The following DLGAP2 variants were observed in gnomAD, a reference collection of about 807,000 sequenced individuals.
DLGAP2 encodes DLG associated protein 2.
DLGAP2 carries 26 observed loss-of-function variants against 100.3 expected under a neutral mutation model. That is an observed-to-expected ratio of 0.26 (90% CI 0.19 to 0.36). The LOEUF (loss-of-function observed/expected upper bound fraction) is 0.36. Among genes scored for constraint, DLGAP2 ranks in the 10% least tolerant of loss-of-function variants. DLGAP2 has a pLI of 1.00. For missense variants in DLGAP2, 1,858 were observed against 1,453.2 expected, an observed-to-expected ratio of 1.28 and a Z score of -4.53; for synonymous variants, 886 against 630.1, an observed-to-expected ratio of 1.41 and a Z score of -6.08.
chr8:763,794 T>TA (rs1035714217), intron 1 of DLGAP2, among the ~76,000 whole-genome samples: 3 of 151,964 alleles, frequency 2.0e-5, no homozygotes, highest in East Asian at 1.9e-4. Flanking sequence ...TGGTAGAATT[T>TA]AAAAAAAATG....
chr8:1,700,410 C>G (rs1368300252), intron 14 of DLGAP2, among the ~76,000 whole-genome samples: 1 of 72,504 alleles, frequency 1.4e-5, no homozygotes, highest in Non-Finnish European at 2.5e-5. Flanking sequence ...TCTTTAGGAA[C>G]AATGTGAATC....
chr8:1,146,481 C>G (rs1796607035), intron 2 of DLGAP2, among the ~76,000 whole-genome samples: 1 of 152,178 alleles, frequency 6.6e-6, no homozygotes, highest in Admixed American at 6.5e-5. Context: ...CAATATTATC[C>G]TTTGTAGTTA....
chr8:1,378,489 T>A (rs1333270453), intron 3 of DLGAP2, among the ~76,000 whole-genome samples: 1 of 151,580 alleles, frequency 6.6e-6, no homozygotes, highest in African/African-American at 2.4e-5. Context: ...TGCACACACC[T>A]GGCCTCACCT....
chr8:1,439,644 C>A (rs542237150), intron 3 of DLGAP2, among the ~76,000 whole-genome samples: 3 of 152,240 alleles, frequency 2.0e-5, no homozygotes, highest in Admixed American at 2.0e-4. Flanking sequence ...ACGGAGTGCG[C>A]AGAGAGACAG....
At chr8:821,111 A>G (rs2132685908) in intron 1 of DLGAP2, among the ~76,000 whole-genome samples, 1 of 152,342 alleles carries the variant, frequency 6.6e-6, no homozygotes, top group African/African-American at 2.4e-5. Flanking sequence ...TGTGCTTGCT[A>G]CAATAAAAGT....
At chr8:1,402,327 T>C (rs565463890) in intron 3 of DLGAP2, among the ~76,000 whole-genome samples, 3 of 118 alleles carry the variant, frequency 0.025, no homozygotes, top group African/African-American at 0.11. Flanking sequence ...TACTGAGCGC[T>C]CCCTCCTCGT....
Position 1,186,689 on chromosome 8 carries a change from G to A in DLGAP2, c.74-72162G>A, listed in dbSNP as rs569162265. 4.6e-5 allele frequency among the ~76,000 whole-genome samples: 7 copies of A among 152,222 alleles called. No individual in the cohort carries two copies. The South Asian group carries it at 1.2e-3, about 27-fold the overall frequency. ...TTTTGTCATGGAGGTTGGGACTGGG[G>A]GGCCTTTCTGAGCTGATATTCTGTT... On this transcript the variant is annotated intron_variant, in intron 2 of 14. Transcript: ENST00000637795.
At chr8:859,878 T>C (rs1797357605) in intron 1 of DLGAP2, among the ~76,000 whole-genome samples, 1 of 152,182 alleles carries the variant, frequency 6.6e-6, no homozygotes, top group African/African-American at 2.4e-5. Flanking sequence ...GCTGGGTTTA[T>C]AAACGCACAC....
chr8:738,994 ACGC>A (rs142461927), intron 1 of DLGAP2: 11 of 155,576 alleles, frequency 7.1e-5, no homozygotes, highest in Admixed American at 1.3e-4. Flanking sequence ...CCCCTGCGCG[ACGC>A]CGCCGCCGCC....
chr8:1,328,213 T>A (rs1221831523), intron 3 of DLGAP2, among the ~76,000 whole-genome samples: 3 of 152,042 alleles, frequency 2.0e-5, no homozygotes, highest in East Asian at 1.9e-4. Context: ...CTAATTTTTT[T>A]ATTTTTTTAG....
intron 3 of DLGAP2, among the ~76,000 whole-genome samples, chr8:1,317,704 C>G (rs1393443212): frequency 5.2e-4 from 59 of 113,140 alleles, no homozygotes; most frequent in African/African-American, 8.2e-4. Flanking sequence ...GTGGTCTACA[C>G]TCGAGAAACT....
chr8:1,564,204 T>G (rs1027187706), intron 5 of DLGAP2, among the ~76,000 whole-genome samples: 3 of 152,116 alleles, frequency 2.0e-5, no homozygotes, highest in Middle Eastern at 3.2e-3. Context: ...GGGGAGCTGT[T>G]CAAAGCTAAT....
chr8:764,364 A>G (rs6994372), intron 1 of DLGAP2, among the ~76,000 whole-genome samples: 6 of 152,382 alleles, frequency 3.9e-5, no homozygotes, highest in African/African-American at 1.2e-4. Context: ...CTCACTTCCT[A>G]TGAACTACTC....
chr8:859,509 C>T (rs1223256379), intron 1 of DLGAP2, among the ~76,000 whole-genome samples: 1 of 152,104 alleles, frequency 6.6e-6, no homozygotes, highest in Non-Finnish European at 1.5e-5. Context: ...GAGCTGATCT[C>T]CATTCTTCTA....
chr8:1,424,651 G>A (rs1184476863), intron 3 of DLGAP2, among the ~76,000 whole-genome samples: 1 of 152,204 alleles, frequency 6.6e-6, no homozygotes, highest in Non-Finnish European at 1.5e-5. Context: ...GATAGGACAA[G>A]GATGGTGTGA....
chr8:1,033,795 C>T (rs1802044561), intron 2 of DLGAP2, among the ~76,000 whole-genome samples: 4 of 148,356 alleles, frequency 2.7e-5, no homozygotes, highest in African/African-American at 5.0e-5. Flanking sequence ...ACGCTCATCC[C>T]GACCCCGCGT....
intron 2 of DLGAP2, among the ~76,000 whole-genome samples, chr8:1,062,573 C>T (rs991691710): frequency 2.0e-5 from 3 of 152,298 alleles, no homozygotes; most frequent in Non-Finnish European, 2.9e-5. Flanking sequence ...AGACAGTAGC[C>T]AGCTGGTAGC....
intron 3 of DLGAP2, among the ~76,000 whole-genome samples, chr8:1,313,644 C>A (rs191782111): frequency 5.0e-4 from 76 of 152,262 alleles, no homozygotes; most frequent in Admixed American, 1.3e-4. Flanking sequence ...GGCTTCACAG[C>A]GGCAGGCTCT....
intron 3 of DLGAP2, among the ~76,000 whole-genome samples, chr8:1,348,640 G>C (rs763998071): frequency 6.6e-6 from 1 of 152,072 alleles, no homozygotes; most frequent in Non-Finnish European, 1.5e-5. Flanking sequence ...TTCCCACACA[G>C]AGCTGCATTG....
Sources: gnomAD v4.1 joint callset for allele counts (sites outside exome capture counted in the v4.1 genomes callset) on GRCh38, gnomAD v4.1.1 for gene constraint, MANE v1.5 for transcripts, NCBI Gene and HGNC (gene_info 2026-07-23, HGNC 2026-07-21) for gene names.